The following KANK1 variants were observed in gnomAD, a reference collection of about 807,000 sequenced individuals.
KANK1 encodes the protein KN motif and ankyrin repeat domains 1, also known as KN motif and ankyrin repeat domain-containing protein 1.
Under a neutral mutation model 106.2 loss-of-function variants are expected in KANK1, and 109 were observed. That is an observed-to-expected ratio of 1.03 (90% CI 0.88 to 1.20). The LOEUF (loss-of-function observed/expected upper bound fraction) is 1.20, where lower values mean the gene tolerates loss of function less well. Among genes scored for constraint, KANK1 ranks in the 50% most tolerant of loss-of-function variants. The probability of loss-of-function intolerance (pLI) is 0.00; values close to 1 mark genes in which losing one functional copy is unlikely to be tolerated. For synonymous variants in KANK1, 873 were observed against 652.2 expected (o/e 1.34, Z -5.16); for missense variants, 2,399 against 1,710.7 (o/e 1.40, Z -7.10).
intron 1 of KANK1, among the ~76,000 whole-genome samples, chr9:554,196 A>G (rs2061441465): frequency 6.6e-6 from 1 of 152,200 alleles, no homozygotes; most frequent in African/African-American, 2.4e-5. Context: ...GAGAACAAGA[A>G]GGCCATTGGT....
intron 1 of KANK1, among the ~76,000 whole-genome samples, chr9:507,270 G>T (rs991906056): frequency 2.6e-5 from 4 of 151,716 alleles, no homozygotes; most frequent in African/African-American, 9.7e-5. Flanking sequence ...CAGGAGGATT[G>T]CTTTAGCCCA....
intron 1 of KANK1, among the ~76,000 whole-genome samples, chr9:629,782 G>C (rs1588400678): frequency 1.3e-5 from 2 of 152,192 alleles, no homozygotes; most frequent in South Asian, 4.1e-4. Context: ...GTAGAGAGGA[G>C]AATTAGACGA....
rs1826200383 is a variant in KANK1, at chr9:711,864, G to C, written c.1098G>C (p.Glu366Asp). ...TVEQSTQRIKEFRQLTADMQA... is the reference protein window; with the variant it reads ...TVEQSTQRIKDFRQLTADMQA... ...AACAGAGCACGCAGAGGATAAAGGA[G>C]TTCCGGCAACTTACAGCAGACATGC... Residue 366 changes from glutamate to aspartate, a missense_variant, in exon 3 of 12, where the codon GAG (glutamate) becomes GAC (aspartate). By Grantham distance (45) the Glu-to-Asp change is conservative. Transcript: ENST00000382297. 3 of 1,614,110 alleles carry C rather than the reference G, an allele frequency of 1.9e-6. No homozygotes were observed. The highest frequency in any genetic ancestry group is 2.2e-5 in the East Asian group (1 of 44,904).
intron 1 of KANK1, among the ~76,000 whole-genome samples, chr9:543,562 A>T (rs1344638646): frequency 1.5e-5 from 1 of 67,914 alleles, no homozygotes; most frequent in African/African-American, 1.4e-4. Flanking sequence ...TCTGTCTCAA[A>T]AAAAAAAAAA....
chr9:654,812 T>TGAGAGAGAGAGA (rs746133985), intron 1 of KANK1, among the ~76,000 whole-genome samples: 1 of 134,760 alleles, frequency 7.4e-6, no homozygotes, highest in African/African-American at 3.5e-5. Flanking sequence ...TGTGTGTGTG[T>TGAGAGAGAGAGA]GTGAGAGAGA....
At chr9:661,966 G>T (rs1843424398) in intron 1 of KANK1, among the ~76,000 whole-genome samples, 1 of 152,118 alleles carries the variant, frequency 6.6e-6, no homozygotes, top group Non-Finnish European at 1.5e-5. Context: ...ACTTTTTGAT[G>T]GGGTTGTTTG....
chr9:641,227 G>A (rs1012988952), intron 1 of KANK1, among the ~76,000 whole-genome samples: 2 of 152,206 alleles, frequency 1.3e-5, no homozygotes, highest in African/African-American at 2.4e-5. Flanking sequence ...GATAATTAAT[G>A]CAATCAGATA....
intron 1 of KANK1, among the ~76,000 whole-genome samples, chr9:589,179 A>C (rs1381710630): frequency 6.6e-6 from 1 of 152,192 alleles, no homozygotes; most frequent in South Asian, 2.1e-4. Context: ...ATCTCATTCG[A>C]TCCTCACAAC....
intron 2 of KANK1, among the ~76,000 whole-genome samples, chr9:692,881 G>A (rs76594859): frequency 2.0e-5 from 3 of 152,108 alleles, no homozygotes; most frequent in Admixed American, 2.0e-4. Flanking sequence ...GCTGAGCATG[G>A]TGTCGTGCTA....
intron 3 of KANK1, among the ~76,000 whole-genome samples, chr9:720,958 A>G (rs1829153817): frequency 6.6e-6 from 1 of 152,194 alleles, no homozygotes; most frequent in African/African-American, 2.4e-5. Context: ...GGGAGTCTAA[A>G]TTCTTAATTT....
chr9:741,390 G>A (rs1038236138), intron 9 of KANK1, among the ~76,000 whole-genome samples: 1 of 151,446 alleles, frequency 6.6e-6, no homozygotes, highest in Non-Finnish European at 1.5e-5. Context: ...CGGGATCTTG[G>A]CTCACTGCAA....
Position 641,556 on chromosome 9 carries a change from C to T in KANK1, c.-83-35334C>T, listed in dbSNP as rs114925879. Among the ~76,000 whole-genome samples the T allele has an allele frequency of 4.2e-3, 633 of 152,298 alleles. 8 individuals are homozygous for T. The highest frequency in any genetic ancestry group is 0.014 in the African/African-American group (588 of 41,560). On this transcript the variant is annotated intron_variant, in intron 1 of 11. Coordinates refer to ENST00000382297, the MANE Select transcript of KANK1 (RefSeq NM_015158.5). The stretch of plus-strand genomic sequence containing the variant: ...AGTTCTAAGCGTTGGGATTCCAAGG[C>T]ATATTACCCTGTACTGAAGAAACTC...
intron 2 of KANK1, among the ~76,000 whole-genome samples, chr9:703,624 T>C (rs148262803): frequency 1.6e-4 from 24 of 152,252 alleles, no homozygotes; most frequent in East Asian, 3.9e-4. Flanking sequence ...CAGTGGAATT[T>C]TGACTGTGCA....
chr9:513,403 C>G (rs542386781), intron 1 of KANK1, among the ~76,000 whole-genome samples: 1 of 152,168 alleles, frequency 6.6e-6, no homozygotes, highest in Admixed American at 6.5e-5. Context: ...AGCCCTGTAA[C>G]TCTGTTGGAG....
chr9:608,373 G>A (rs752522159), intron 1 of KANK1, among the ~76,000 whole-genome samples: 2 of 151,734 alleles, frequency 1.3e-5, no homozygotes, highest in South Asian at 2.1e-4. Context: ...CACATTCTAC[G>A]TGACCATAGA....
intron 1 of KANK1, among the ~76,000 whole-genome samples, chr9:590,246 T>G (rs993153055): frequency 4.6e-5 from 7 of 152,114 alleles, no homozygotes; most frequent in African/African-American, 1.7e-4. Flanking sequence ...TAGTTTTGTT[T>G]TGTGTTCTAA....
upstream of KANK1, among the ~76,000 whole-genome samples, chr9:503,872 C>G (rs921900788): frequency 1.3e-5 from 2 of 152,218 alleles, no homozygotes; most frequent in African/African-American, 4.8e-5. Flanking sequence ...CAGTTCAATC[C>G]TGAGCCCCCG....
chr9:576,893 T>C (rs1820707078), intron 1 of KANK1, among the ~76,000 whole-genome samples: 1 of 152,188 alleles, frequency 6.6e-6, no homozygotes, highest in African/African-American at 2.4e-5. Context: ...TTCAGGTGGT[T>C]TCTTGGTCTC....
intron 1 of KANK1, among the ~76,000 whole-genome samples, chr9:574,044 C>T (rs1231589036): frequency 6.6e-6 from 1 of 152,228 alleles, no homozygotes; most frequent in Non-Finnish European, 1.5e-5. Context: ...GCCAGGGTAA[C>T]CTGGATTTGT....
Sources: allele counts gnomAD v4.1 joint callset (sites outside exome capture counted in the v4.1 genomes callset), GRCh38; gene constraint gnomAD v4.1.1; transcripts MANE v1.5; gene names NCBI Gene and HGNC (gene_info 2026-07-23, HGNC 2026-07-21).